The following TMEM132D variants were observed in gnomAD, a reference collection of about 807,000 sequenced individuals.
TMEM132D encodes the protein transmembrane protein 132D, also known as mature OL transmembrane protein.
A neutral mutation model predicts 62.3 loss-of-function variants in TMEM132D; 21 were observed. The ratio of observed to expected loss-of-function variants is 0.34; its 90% CI spans 0.24 to 0.49. The LOEUF (loss-of-function observed/expected upper bound fraction) is 0.49, where lower values mean the gene tolerates loss of function less well. Ranked by LOEUF, TMEM132D falls within the 20% of genes least tolerant of loss-of-function variation. The pLI, the probability that TMEM132D is intolerant of heterozygous loss-of-function variation, is 0.99. For synonymous variants in TMEM132D, 621 were observed against 575.6 expected (o/e 1.08, Z -1.13); for missense variants, 1,346 against 1,402.8 (o/e 0.96, Z 0.65).
intron 4 of TMEM132D, among the ~76,000 whole-genome samples, chr12:129,271,609 G>A (rs765863925): frequency 5.9e-5 from 9 of 151,308 alleles, no homozygotes; most frequent in Admixed American, 1.3e-4. Flanking sequence ...CCCTCCCTGT[G>A]TCCATGTGTT....
chr12:129,786,033 T>C (rs1014783863), intron 1 of TMEM132D, among the ~76,000 whole-genome samples: 2 of 152,190 alleles, frequency 1.3e-5, no homozygotes, highest in African/African-American at 4.8e-5. Context: ...TAGCAAAATA[T>C]GGCTACTCAA....
At chr12:129,321,106 A>G (rs948479109) in intron 4 of TMEM132D, among the ~76,000 whole-genome samples, 1 of 152,168 alleles carries the variant, frequency 6.6e-6, no homozygotes, top group Non-Finnish European at 1.5e-5. Context: ...ATGTCTATTT[A>G]TATAGAAAAG....
intron 1 of TMEM132D, among the ~76,000 whole-genome samples, chr12:129,724,307 A>G (rs1161295631): frequency 6.6e-6 from 1 of 152,202 alleles, no homozygotes; most frequent in African/African-American, 2.4e-5. Flanking sequence ...GACGAATGCT[A>G]CAGGTACTGA....
At chr12:129,136,593 TTAAC>T (rs1876564468) in intron 5 of TMEM132D, among the ~76,000 whole-genome samples, 1 of 152,200 alleles carries the variant, frequency 6.6e-6, no homozygotes, top group Non-Finnish European at 1.5e-5. Context: ...TGGCTTCTAT[TTAAC>T]TAAAACAAAT....
intron 3 of TMEM132D, among the ~76,000 whole-genome samples, chr12:129,471,250 C>T (rs1363204090): frequency 6.7e-6 from 1 of 150,140 alleles, no homozygotes; most frequent in Non-Finnish European, 1.5e-5. Flanking sequence ...TATGGCAACC[C>T]TGCATTGAGC....
intron 5 of TMEM132D, among the ~76,000 whole-genome samples, chr12:129,119,039 G>A (rs1224597970): frequency 6.6e-6 from 1 of 152,174 alleles, no homozygotes; most frequent in African/African-American, 2.4e-5. Flanking sequence ...TGACATCTAC[G>A]CTGCCCTTGC....
chr12:129,801,442 C>G (rs935277480), intron 1 of TMEM132D, among the ~76,000 whole-genome samples: 2 of 151,756 alleles, frequency 1.3e-5, no homozygotes, highest in Admixed American at 1.3e-4. Context: ...ACACCTCACA[C>G]GGCAGGGTAT....
At chr12:129,345,623 T>A (rs1230265075) in intron 3 of TMEM132D, among the ~76,000 whole-genome samples, 1 of 152,222 alleles carries the variant, frequency 6.6e-6, no homozygotes, top group Non-Finnish European at 1.5e-5. Context: ...AAATATCATA[T>A]GTTCAAGCAT....
Position 129,074,813 on chromosome 12 carries a change from C to G in TMEM132D, c.2362G>C (p.Val788Leu), listed in dbSNP as rs1489615235. Reference sequence around the variant, plus strand: ...TTAACTTTGATGTTTGCCGTTCCAACAGCTAACACACTCTTCCGCTTGGAT... The same window carrying G: ...TTAACTTTGATGTTTGCCGTTCCAAGAGCTAACACACTCTTCCGCTTGGAT... ...QKSKRKSVLA[V>L]GTANIKVKFG... The change falls in exon 9 of 9, where the codon GTT becomes CTT. Residue 788 changes from valine to leucine, a missense_variant. Coordinates refer to ENST00000422113, the MANE Select transcript of TMEM132D (RefSeq NM_133448.3). 12 of 1,614,002 alleles carry G rather than the reference C, an allele frequency of 7.4e-6. No homozygotes were observed. The highest frequency in any genetic ancestry group is 1.0e-5 in the Non-Finnish European group (12 of 1,180,048).
chr12:129,472,438 TG>T (rs368693683), intron 3 of TMEM132D, among the ~76,000 whole-genome samples: 1 of 151,902 alleles, frequency 6.6e-6, no homozygotes, highest in Non-Finnish European at 1.5e-5. Flanking sequence ...GTCGTTGGGT[TG>T]GGGGGACGGG....
chr12:129,559,174 G>T (rs1877144293), intron 2 of TMEM132D, among the ~76,000 whole-genome samples: 1 of 152,158 alleles, frequency 6.6e-6, no homozygotes, highest in South Asian at 2.1e-4. Flanking sequence ...ACCTAGATAA[G>T]TGACAAAATG....
intron 1 of TMEM132D, among the ~76,000 whole-genome samples, chr12:129,849,919 C>A (rs1202354649): frequency 6.6e-6 from 1 of 152,216 alleles, no homozygotes; most frequent in East Asian, 1.9e-4. Context: ...CCATTCCACA[C>A]CACCTCAGCC....
chr12:129,771,603 G>A (rs1411681159), intron 1 of TMEM132D, among the ~76,000 whole-genome samples: 1 of 152,228 alleles, frequency 6.6e-6, no homozygotes, highest in African/African-American at 2.4e-5. Flanking sequence ...AAGGCACCTT[G>A]TTCCTTAACA....
chr12:129,451,318 A>G (rs1228802736), intron 3 of TMEM132D, among the ~76,000 whole-genome samples: 1 of 152,220 alleles, frequency 6.6e-6, no homozygotes, highest in African/African-American at 2.4e-5. Flanking sequence ...GCAGGCATTA[A>G]TCATGGTAGA....
chr12:129,347,171 T>A (rs954468744), intron 3 of TMEM132D, among the ~76,000 whole-genome samples: 1 of 152,192 alleles, frequency 6.6e-6, no homozygotes, highest in Admixed American at 6.5e-5. Flanking sequence ...CCCATCAAGC[T>A]ACCATTGACT....
At chr12:129,416,904 T>C (rs561388176) in intron 3 of TMEM132D, among the ~76,000 whole-genome samples, 2 of 152,332 alleles carry the variant, frequency 1.3e-5, no homozygotes, top group South Asian at 4.1e-4. Flanking sequence ...AACTTGGTCA[T>C]GGTGGATAAG....
chr12:129,357,673 G>A (rs1055780724), intron 3 of TMEM132D, among the ~76,000 whole-genome samples: 2 of 147,950 alleles, frequency 1.4e-5, no homozygotes, highest in Non-Finnish European at 1.5e-5. Context: ...AGAAAAGAGA[G>A]AAAGAAAGAG....
At chr12:129,730,503 T>C (rs1285434350) in intron 1 of TMEM132D, among the ~76,000 whole-genome samples, 1 of 152,174 alleles carries the variant, frequency 6.6e-6, no homozygotes, top group Non-Finnish European at 1.5e-5. Flanking sequence ...GAATCACAAC[T>C]TGGCTTCCTG....
At chr12:129,676,272 A>T (rs955079133) in intron 2 of TMEM132D, among the ~76,000 whole-genome samples, 18 of 152,036 alleles carry the variant, frequency 1.2e-4, no homozygotes, top group African/African-American at 4.1e-4. Context: ...CCTGTCTGTC[A>T]GTCTGTCTGT....
Sources: gnomAD v4.1 joint callset for allele counts (sites outside exome capture counted in the v4.1 genomes callset) on GRCh38, gnomAD v4.1.1 for gene constraint, MANE v1.5 for transcripts, NCBI Gene and HGNC (gene_info 2026-07-23, HGNC 2026-07-21) for gene names.